Variants in PTPRT observed in about 807,000 individuals in gnomAD.
PTPRT encodes receptor-type tyrosine-protein phosphatase T.
A neutral mutation model predicts 176.8 loss-of-function variants in PTPRT; 56 were observed. The ratio of observed to expected loss-of-function variants is 0.32; its 90% CI spans 0.26 to 0.40. The LOEUF (loss-of-function observed/expected upper bound fraction) is 0.40. Ranked by LOEUF, PTPRT falls within the 10% of genes least tolerant of loss-of-function variation. The probability of loss-of-function intolerance (pLI) is 1.00; values close to 1 mark genes in which losing one functional copy is unlikely to be tolerated. For missense variants in PTPRT, 1,540 were observed against 1,908.2 expected, an observed-to-expected ratio of 0.81 and a Z score of 3.60; for synonymous variants, 783 against 739.0, an observed-to-expected ratio of 1.06 and a Z score of -0.96.
At position 42,354,827 on chromosome 20, in the gene PTPRT, A is replaced by G. The variant is rs571358250; in HGVS notation, c.1561-2542T>C. ...GAGAAAAGTGATTTCTCTGTCCTAT[A>G]TTAAACAGTAGTGGTGCCGCATCCT... On this transcript the variant is annotated intron_variant, in intron 9 of 30. Transcript: ENST00000373187. 5.9e-5 allele frequency among the ~76,000 whole-genome samples: 9 copies of G among 152,292 alleles called. No homozygotes were observed. In the East Asian group the frequency reaches 1.5e-3, roughly 26 times the overall value.
intron 7 of PTPRT, among the ~76,000 whole-genome samples, chr20:42,518,417 C>T (rs913453959): frequency 6.6e-6 from 1 of 151,924 alleles, no homozygotes; most frequent in Non-Finnish European, 1.5e-5. Context: ...TATTAGATTG[C>T]TGTCAAGATT....
At chr20:42,972,791 G>T (rs960748780) in intron 1 of PTPRT, among the ~76,000 whole-genome samples, 1 of 151,662 alleles carries the variant, frequency 6.6e-6, no homozygotes, top group Admixed American at 6.6e-5. Flanking sequence ...GTCTATTTTG[G>T]AAAGATCACT....
intron 3 of PTPRT, among the ~76,000 whole-genome samples, chr20:42,788,551 C>A (rs1451823527): frequency 6.6e-6 from 1 of 152,158 alleles, no homozygotes; most frequent in Non-Finnish European, 1.5e-5. Flanking sequence ...CTACTTAGGT[C>A]CATCTCCCAG....
At chr20:43,107,239 C>T (rs1378699150) in intron 1 of PTPRT, among the ~76,000 whole-genome samples, 4 of 152,152 alleles carry the variant, frequency 2.6e-5, no homozygotes, top group Non-Finnish European at 4.4e-5. Flanking sequence ...AAAATAGTCT[C>T]GGATTGATAT....
chr20:42,188,441 C>T (rs1990866120), intron 16 of PTPRT, among the ~76,000 whole-genome samples: 2 of 152,070 alleles, frequency 1.3e-5, no homozygotes, highest in Non-Finnish European at 2.9e-5. Flanking sequence ...GCTATGTGAC[C>T]TTGAGCAAGT....
intron 1 of PTPRT, among the ~76,000 whole-genome samples, chr20:43,181,978 C>T (rs1384858360): frequency 1.3e-5 from 2 of 152,098 alleles, no homozygotes; most frequent in Non-Finnish European, 2.9e-5. Context: ...AGCATAATTA[C>T]AGTCAATCAG....
At chr20:42,767,872 CAT>C (rs776878861) in intron 5 of PTPRT, among the ~76,000 whole-genome samples, 50 of 143,496 alleles carry the variant, frequency 3.5e-4, no homozygotes, top group Non-Finnish European at 5.1e-4. Context: ...ATATGTATAA[CAT>C]ATAATTATAC....
rs940963073 is a variant in PTPRT at position 42,342,175 on chromosome 20, C to A, written c.1865+8453G>T. On this transcript the variant is annotated intron_variant, in intron 11 of 30. Coordinates refer to ENST00000373187, the MANE Select transcript of PTPRT (RefSeq NM_007050.6). ...CTAGGGTGATGTCTTTGGTGGTACA[C>A]ACATAACCCTTCAATATGTATCCCA... 2.0e-5 allele frequency among the ~76,000 whole-genome samples: 3 copies of A among 152,186 alleles called. No individual in the cohort carries two copies. In the South Asian group the frequency reaches 6.2e-4, roughly 31 times the overall value.
chr20:42,841,891 A>T (rs899282288), intron 2 of PTPRT, among the ~76,000 whole-genome samples: 5 of 152,206 alleles, frequency 3.3e-5, no homozygotes, highest in African/African-American at 1.2e-4. Flanking sequence ...AAAACACTGC[A>T]ATTTGGCCAG....
At chr20:42,858,004 T>A (rs967694007) in intron 2 of PTPRT, among the ~76,000 whole-genome samples, 20 of 152,172 alleles carry the variant, frequency 1.3e-4, no homozygotes, top group African/African-American at 4.8e-4. Context: ...AGCTGGAGTA[T>A]CTTGTCCAAA....
chr20:42,478,924 A>G (rs1469586965), intron 7 of PTPRT, among the ~76,000 whole-genome samples: 2 of 152,164 alleles, frequency 1.3e-5, no homozygotes, highest in African/African-American at 4.8e-5. Context: ...TAAATCTAGA[A>G]AGTAGTGATA....
At chr20:42,861,278 C>T (rs2078655654) in intron 2 of PTPRT, among the ~76,000 whole-genome samples, 1 of 152,162 alleles carries the variant, frequency 6.6e-6, no homozygotes, top group African/African-American at 2.4e-5. Flanking sequence ...CTTGTTAATT[C>T]CCTTGATTCT....
chr20:42,126,907 G>T (rs962117968), intron 19 of PTPRT, among the ~76,000 whole-genome samples: 1 of 152,218 alleles, frequency 6.6e-6, no homozygotes, highest in African/African-American at 2.4e-5. Flanking sequence ...AACTTTTCTG[G>T]AAGGGCTATG....
chr20:42,337,459 T>C (rs1289774696), intron 11 of PTPRT, among the ~76,000 whole-genome samples: 1 of 152,188 alleles, frequency 6.6e-6, no homozygotes, highest in Non-Finnish European at 1.5e-5. Flanking sequence ...CAGGGCTGTA[T>C]TGTGAGTGTA....
intron 9 of PTPRT, among the ~76,000 whole-genome samples, chr20:42,396,327 TC>T (rs2058849082): frequency 1.3e-5 from 2 of 152,152 alleles, no homozygotes; most frequent in South Asian, 4.1e-4. Context: ...TTCTCATCAC[TC>T]CCTCCTACTT....
At chr20:42,791,498 G>C (rs777559811) in intron 2 of PTPRT, 32 bp from the exon 3 acceptor site, 1 of 1,577,112 alleles carries the variant, frequency 6.3e-7, no homozygotes, top group Non-Finnish European at 8.6e-7. Context: ...GGGAAGTAGA[G>C]ACAAAGAGAA....
intron 1 of PTPRT, among the ~76,000 whole-genome samples, chr20:43,026,935 T>A (rs1275741078): frequency 6.6e-6 from 1 of 152,204 alleles, no homozygotes; most frequent in Non-Finnish European, 1.5e-5. Flanking sequence ...CAGTACTCCA[T>A]TGTGTATATG....
At chr20:42,461,672 T>A (rs1291396566) in intron 8 of PTPRT, among the ~76,000 whole-genome samples, 1 of 152,190 alleles carries the variant, frequency 6.6e-6, no homozygotes, top group Non-Finnish European at 1.5e-5. Flanking sequence ...ACTGGTTAAG[T>A]AAGAGGATCT....
intron 7 of PTPRT, among the ~76,000 whole-genome samples, chr20:42,579,299 AG>A (rs1234419775): frequency 1.3e-5 from 2 of 152,012 alleles, no homozygotes; most frequent in Admixed American, 6.5e-5. Flanking sequence ...TTCTTAATCC[AG>A]TCTATCATTG....
Sources: gnomAD v4.1 joint callset for allele counts (sites outside exome capture counted in the v4.1 genomes callset) on GRCh38, gnomAD v4.1.1 for gene constraint, MANE v1.5 for transcripts, NCBI Gene and HGNC (gene_info 2026-07-23, HGNC 2026-07-21) for gene names.